The following KCNQ5 variants were observed in gnomAD, a reference collection of about 807,000 sequenced individuals.
The protein encoded by KCNQ5 is potassium voltage-gated channel subfamily KQT member 5.
Under a neutral mutation model 98.2 loss-of-function variants are expected in KCNQ5, and 30 were observed. That is an observed-to-expected ratio of 0.31 (90% confidence interval 0.23 to 0.41). The LOEUF is 0.41. KCNQ5 is among the 10% of genes least tolerant of loss of function. The pLI, the probability that KCNQ5 is intolerant of heterozygous loss-of-function variation, is 1.00. For synonymous variants in KCNQ5, 458 were observed against 449.4 expected, an observed-to-expected ratio of 1.02 and a Z score of -0.24; for missense variants, 835 against 1,182.5, an observed-to-expected ratio of 0.71 and a Z score of 4.31.
At chr6:72,887,810 A>G (rs989536897) in intron 1 of KCNQ5, among the ~76,000 whole-genome samples, 2 of 152,064 alleles carry the variant, frequency 1.3e-5, no homozygotes, top group Admixed American at 6.6e-5. Flanking sequence ...TAAGAAGAGG[A>G]AAAAAAACCT....
At position 73,076,151 on chromosome 6, in the gene KCNQ5, G is replaced by A. The variant is rs139856341; in HGVS notation, c.617-1171G>A. Among the ~76,000 whole-genome samples the A allele has an allele frequency of 6.6e-5, 10 of 152,290 alleles. No homozygotes were observed. In the East Asian group the frequency reaches 1.9e-3, roughly 29 times the overall value. On this transcript the variant is annotated intron_variant, in intron 3 of 13. Transcript: ENST00000370398. Reference sequence around the variant, plus strand: ...CCCAAAAAGGGGCACCAGCAGAGAGGCTCAGAAGATCTTCTCAGTCCACAC... The same window carrying A: ...CCCAAAAAGGGGCACCAGCAGAGAGACTCAGAAGATCTTCTCAGTCCACAC...
intron 1 of KCNQ5, among the ~76,000 whole-genome samples, chr6:72,856,334 TAA>T (rs1426707572): frequency 6.6e-6 from 1 of 150,982 alleles, no homozygotes; most frequent in Non-Finnish European, 1.5e-5. Flanking sequence ...GTTTCTTAGA[TAA>T]GAGTTTTTTT....
intron 3 of KCNQ5, among the ~76,000 whole-genome samples, chr6:73,051,309 G>A (rs1483740807): frequency 2.0e-5 from 3 of 152,136 alleles, no homozygotes; most frequent in South Asian, 2.1e-4. Context: ...TGCACATGGA[G>A]GCCGGCAGCC....
intron 1 of KCNQ5, among the ~76,000 whole-genome samples, chr6:72,908,317 C>T (rs747831943): frequency 6.6e-5 from 10 of 151,998 alleles, no homozygotes; most frequent in South Asian, 4.2e-4. Context: ...AATAAAATTG[C>T]GTTGTGTTTG....
intron 1 of KCNQ5, among the ~76,000 whole-genome samples, chr6:72,769,710 A>G (rs1039696633): frequency 2.6e-5 from 4 of 152,196 alleles, no homozygotes; most frequent in Middle Eastern, 3.4e-3. Flanking sequence ...CTAAAATGCA[A>G]TTCTACACCT....
intron 1 of KCNQ5, among the ~76,000 whole-genome samples, chr6:72,666,224 AAG>A (rs937525652): frequency 6.5e-5 from 3 of 46,134 alleles, no homozygotes; most frequent in African/African-American, 1.1e-4. Flanking sequence ...ATGATAAATA[AAG>A]AGAGATATAC....
intron 11 of KCNQ5, among the ~76,000 whole-genome samples, chr6:73,174,955 T>G (rs1185138636): frequency 6.6e-6 from 1 of 152,178 alleles, no homozygotes; most frequent in Non-Finnish European, 1.5e-5. Flanking sequence ...GTCTTTTCCT[T>G]TCTGAGCTCC....
chr6:72,969,407 G>C (rs546232148), intron 1 of KCNQ5, among the ~76,000 whole-genome samples: 3 of 152,256 alleles, frequency 2.0e-5, no homozygotes, highest in Admixed American at 6.5e-5. Context: ...AAATTCAGTT[G>C]TTTCTGACCT....
chr6:72,852,665 G>GGC (rs1370493604), intron 1 of KCNQ5, among the ~76,000 whole-genome samples: 3 of 37,216 alleles, frequency 8.1e-5, no homozygotes, highest in Non-Finnish European at 1.6e-4. Flanking sequence ...ATATATAAAT[G>GGC]GCACTTAATG....
At chr6:73,116,669 C>T (rs1446039572) in intron 7 of KCNQ5, among the ~76,000 whole-genome samples, 1 of 151,920 alleles carries the variant, frequency 6.6e-6, no homozygotes, top group African/African-American at 2.4e-5. Context: ...GAGTATGACC[C>T]TGTCTCAAAA....
intron 1 of KCNQ5, among the ~76,000 whole-genome samples, chr6:72,748,046 A>G (rs193067624): frequency 5.3e-5 from 8 of 152,254 alleles, no homozygotes; most frequent in Middle Eastern, 3.4e-3. Context: ...GAAAAGTGTA[A>G]GATGGCTTGT....
chr6:73,177,005 G>A (rs367805260), intron 11 of KCNQ5, among the ~76,000 whole-genome samples: 6 of 152,366 alleles, frequency 3.9e-5, no homozygotes, highest in Middle Eastern at 3.4e-3. Flanking sequence ...AGAATGCTCT[G>A]AAGGAGATAG....
intron 2 of KCNQ5, 24 bp downstream of exon 2, chr6:73,004,022 G>C (rs760085419): frequency 1.0e-4 from 137 of 1,330,110 alleles, no homozygotes; most frequent in Non-Finnish European, 1.3e-4. Context: ...GAACAAGAAC[G>C]TACATGAATG....
intron 3 of KCNQ5, among the ~76,000 whole-genome samples, chr6:73,066,021 C>T (rs1773040354): frequency 6.6e-6 from 1 of 152,162 alleles, no homozygotes; most frequent in African/African-American, 2.4e-5. Context: ...TGGTGCACAC[C>T]TGTAATCCCA....
intron 1 of KCNQ5, among the ~76,000 whole-genome samples, chr6:72,857,168 T>C (rs1777568837): frequency 6.6e-6 from 1 of 152,228 alleles, no homozygotes; most frequent in South Asian, 2.1e-4. Flanking sequence ...AAAAAAGGAC[T>C]ATTCAAACTA....
At chr6:72,822,006 T>C (rs1027073250) in intron 1 of KCNQ5, among the ~76,000 whole-genome samples, 2 of 152,180 alleles carry the variant, frequency 1.3e-5, no homozygotes, top group African/African-American at 4.8e-5. Flanking sequence ...TCTGTGACTC[T>C]CAGAAAGGCT....
chr6:72,876,656 CATT>C (rs1450643213), intron 1 of KCNQ5, among the ~76,000 whole-genome samples: 1 of 152,116 alleles, frequency 6.6e-6, no homozygotes, highest in African/African-American at 2.4e-5. Context: ...AGATATAAAT[CATT>C]ATTACACTTG....
At chr6:73,090,675 G>T (rs558834241) in intron 5 of KCNQ5, among the ~76,000 whole-genome samples, 1 of 151,576 alleles carries the variant, frequency 6.6e-6, no homozygotes, top group South Asian at 2.1e-4. Flanking sequence ...GGTGTCCTTC[G>T]CTTCTCAAAA....
chr6:73,187,784 A>T (rs1193437600), intron 11 of KCNQ5, among the ~76,000 whole-genome samples: 1 of 152,270 alleles, frequency 6.6e-6, no homozygotes. Flanking sequence ...TAAGGTTTGC[A>T]TAAACTATGA....
Sources: allele counts gnomAD v4.1 joint callset (sites outside exome capture counted in the v4.1 genomes callset), GRCh38; gene constraint gnomAD v4.1.1; transcripts MANE v1.5; gene names NCBI Gene and HGNC (gene_info 2026-07-23, HGNC 2026-07-21).